SYS1: variants seen among roughly 807,000 people sequenced by gnomAD.
SYS1 encodes the protein protein SYS1 homolog.
Under a neutral mutation model 17.8 loss-of-function variants are expected in SYS1, and 8 were observed. That is an observed-to-expected ratio of 0.45 (90% confidence interval 0.26 to 0.81). SYS1 has a LOEUF of 0.81. Among genes scored for constraint, SYS1 ranks in the 40% least tolerant of loss-of-function variants. SYS1 has a pLI of 0.16. For missense variants in SYS1, 161 were observed against 203.9 expected (o/e 0.79, Z 1.28); for synonymous variants, 95 against 90.9 (o/e 1.05, Z -0.26).
At chr20:45,364,076 A>T (rs1325928942) in intron 2 of SYS1, among the ~76,000 whole-genome samples, 1 of 152,224 alleles carries the variant, frequency 6.6e-6, no homozygotes, top group Non-Finnish European at 1.5e-5. Flanking sequence ...TTGGGGTCAG[A>T]CAGGCGTCCG....
chr20:45,373,960 G>A (rs893139594), downstream of SYS1: 1 of 1,613,914 alleles, frequency 6.2e-7, no homozygotes, highest in African/African-American at 1.3e-5. Context: ...AGCTGATGGC[G>A]CGATCTCCAC....
rs370370563 is a variant in SYS1 at position 45,363,675 on chromosome 20, C to G, written c.144C>G (p.Asp48Glu). 7 of 1,570,912 alleles carry G rather than the reference C, an allele frequency of 4.5e-6. No homozygotes were observed. Among genetic ancestry groups the G allele is most frequent in the Non-Finnish European group, 5.2e-6 (6 of 1,159,896 alleles). The change falls in exon 2 of 4, where the codon GAC (aspartate) becomes GAG (glutamate). Residue 48 changes from aspartate to glutamate, a missense_variant. Transcript: ENST00000243918. ...TAGTGCGAAGCAGCCCCTCGCTGGA[C>G]CAGATGTTCGACGCCGAGGTAGGGT... ...DGLVRSSPSL[D>E]QMFDAEILGF... is the part of the protein sequence containing the mutation.
chr20:45,375,597 C>T, exon 4 of SYS1: 1 of 1,559,160 alleles, frequency 6.4e-7, no homozygotes, highest in Non-Finnish European at 8.6e-7. Context: ...GACCGAGGCC[C>T]TGGTTCCCGA....
downstream of SYS1, among the ~76,000 whole-genome samples, chr20:45,371,751 A>G (rs942075408): frequency 1.3e-5 from 2 of 152,244 alleles, no homozygotes; most frequent in Non-Finnish European, 2.9e-5. Context: ...AGCTAGTTCC[A>G]TAAAGGTGAG....
At position 45,363,266 on chromosome 20, in the gene SYS1, C is replaced by A. The variant is rs1988281363; in HGVS notation, c.-53C>A. On this transcript the variant is annotated 5_prime_UTR_variant, in exon 1 of 4. Coordinates refer to ENST00000243918, the MANE Select transcript of SYS1 (RefSeq NM_033542.4). ...TGTCAGCGCTGTTTTGGGAGCCCGC[C>A]GGTGAGGCCGGGCCACGCTCAGACA... 1.6e-6 allele frequency: 2 copies of A among 1,227,176 alleles called. No homozygotes were observed. Among genetic ancestry groups the A allele is most frequent in the Non-Finnish European group, 2.0e-6 (2 of 977,114 alleles). 76.0% of individuals were successfully genotyped at this position (1,227,176 alleles called of 1,614,324 possible).
intron 2 of SYS1, 113 bp from the exon 3 acceptor site, chr20:45,365,506 G>A (rs1488262020): frequency 1.0e-6 from 1 of 956,652 alleles, no homozygotes; most frequent in Admixed American, 1.7e-5. Flanking sequence ...ATGTAGGGAG[G>A]TATTATCTTC....
upstream of SYS1, chr20:45,362,996 C>T (rs1988269742): frequency 3.2e-6 from 2 of 616,078 alleles, no homozygotes; most frequent in African/African-American, 2.0e-5. Context: ...CTGCGGCCTT[C>T]GTTCCTCTCT....
exon 4 of SYS1, chr20:45,375,357 C>G (rs1416215914): frequency 6.2e-7 from 1 of 1,614,048 alleles, no homozygotes; most frequent in Non-Finnish European, 8.5e-7. Flanking sequence ...GCTTTTCTTT[C>G]CGTGGCATTG....
At chr20:45,376,495 A>G (rs1462305869) in exon 4 of SYS1, 1 of 152,216 alleles carries the variant, frequency 6.6e-6, no homozygotes, top group Non-Finnish European at 1.5e-5. Context: ...ATTCAGACAA[A>G]CGGGCTCAGA....
At position 45,368,105 on chromosome 20, in the gene SYS1, A is replaced by G; in HGVS notation, c.*990A>G. 1 of 985,326 alleles carries G rather than the reference A, an allele frequency of 1.0e-6. No homozygotes were observed. Among genetic ancestry groups the G allele is most frequent in the South Asian group, 4.7e-5 (1 of 21,280 alleles). 61.0% of individuals were successfully genotyped at this position (985,326 alleles called of 1,614,324 possible). ...TCCTTCCTGTGTATACAAATACAGT[A>G]TTTTCCATGGTTCTGCCTGCACTTA... On this transcript the variant is annotated 3_prime_UTR_variant, in exon 4 of 4. Coordinates refer to ENST00000243918, the MANE Select transcript of SYS1 (RefSeq NM_033542.4).
rs564003342 is a variant in SYS1, at chr20:45,374,962, T to A, written c.*668T>A. On this transcript the variant is annotated 3_prime_UTR_variant, in exon 4 of 4. Coordinates refer to the SYS1 transcript ENST00000426004. The stretch of plus-strand genomic sequence containing the variant: ...ACTCAAGACTCCAGATCCTGAACCC[T>A]GACTCTGGGGCCCAGCTCTGGGCCT... The A allele has an allele frequency of 5.0e-5, 77 of 1,540,704 alleles. 1 individual carries two copies. The African/African-American group carries it at 9.7e-4, about 19-fold the overall frequency.
At chr20:45,362,688 C>CT (rs1489956445), upstream of SYS1, among the ~76,000 whole-genome samples, 2 of 152,184 alleles carry the variant, frequency 1.3e-5, no homozygotes, top group Non-Finnish European at 1.5e-5. Flanking sequence ...TTAATACTTA[C>CT]TTTGCTACTA....
At chr20:45,370,348 A>G (rs1988536066), downstream of SYS1, among the ~76,000 whole-genome samples, 1 of 152,184 alleles carries the variant, frequency 6.6e-6, no homozygotes, top group African/African-American at 2.4e-5. Context: ...TTAACTCTCC[A>G]GGTGTCTGAA....
upstream of SYS1, chr20:45,361,968 C>T: frequency 1.0e-6 from 1 of 985,032 alleles, no homozygotes; most frequent in Non-Finnish European, 1.2e-6. Flanking sequence ...CTTTCCACTT[C>T]AGAGAGGGGG....
Position 45,367,654 on chromosome 20 carries a change from G to C in SYS1, c.*539G>C, listed in dbSNP as rs1988462244. Reference sequence around the variant, plus strand: ...AGTATTAGGCTGCTGTCAGGGAGAGGATGGCAGATGGAGGCATCAAGCACA... The same window carrying C: ...AGTATTAGGCTGCTGTCAGGGAGAGCATGGCAGATGGAGGCATCAAGCACA... On this transcript the variant is annotated 3_prime_UTR_variant, in exon 4 of 4. Coordinates refer to ENST00000243918, the MANE Select transcript of SYS1 (RefSeq NM_033542.4). The C allele has an allele frequency of 1.0e-6, 1 of 990,796 alleles. No individual in the cohort carries two copies. Among genetic ancestry groups the C allele is most frequent in the Non-Finnish European group, 1.2e-6 (1 of 832,958 alleles). The allele number at this position is 990,796 out of a possible 1,614,324, so 61.4% of individuals were successfully genotyped here.
At chr20:45,370,306 A>T (rs918002975), downstream of SYS1, among the ~76,000 whole-genome samples, 1 of 152,160 alleles carries the variant, frequency 6.6e-6, no homozygotes. Flanking sequence ...TAGATAAGAG[A>T]GTACTAGCCC....
Position 45,365,656 on chromosome 20 carries a change from T to C in SYS1, c.200T>C (p.Met67Thr). 3.7e-6 allele frequency: 6 copies of C among 1,614,214 alleles called. No individual in the cohort carries two copies. Among genetic ancestry groups the C allele is most frequent in the Non-Finnish European group, 5.1e-6 (6 of 1,180,014 alleles). ...GFSTPPGRLS[M>T]MSFILNALTC... ...TCCACCCCTCCAGGCCGGCTCTCCA[T>C]GATGTCCTTCATCCTCAACGCCCTC... Residue 67 changes from methionine (M) to threonine (T), a missense_variant, in exon 3 of 4, where the codon ATG becomes ACG. Transcript: ENST00000243918.
chr20:45,371,797 C>T (rs144298785), downstream of SYS1, among the ~76,000 whole-genome samples: 205 of 152,242 alleles, frequency 1.3e-3, no homozygotes, highest in Admixed American at 4.6e-3. Context: ...GAAATGGAGC[C>T]GGGACTGACT....
At position 45,365,386 on chromosome 20, in the gene SYS1, G is replaced by A. The variant is rs1032842424; in HGVS notation, c.163-233G>A. 4.2e-5 allele frequency: 26 copies of A among 620,102 alleles called. No homozygotes were observed. In the Middle Eastern group the frequency reaches 4.1e-3, roughly 98 times the overall value. 38.4% of individuals were successfully genotyped at this position (620,102 alleles called of 1,614,324 possible). ...CAACTTAACTTGTCTGAGTTTTTACGTCCTCCTTTGTAAAATGAGAATAAT... is the reference window on the plus strand; with the variant it reads ...CAACTTAACTTGTCTGAGTTTTTACATCCTCCTTTGTAAAATGAGAATAAT... On this transcript the variant is annotated intron_variant, in intron 2 of 3. Coordinates refer to ENST00000243918, the MANE Select transcript of SYS1 (RefSeq NM_033542.4).
Sources: allele counts gnomAD v4.1 joint callset (sites outside exome capture counted in the v4.1 genomes callset), GRCh38; gene constraint gnomAD v4.1.1; transcripts MANE v1.5; gene names NCBI Gene and HGNC (gene_info 2026-07-23, HGNC 2026-07-21).